Variants in PEBP4 observed in about 807,000 individuals in gnomAD.
The protein encoded by PEBP4 is phosphatidylethanolamine-binding protein 4.
PEBP4 carries 22 observed loss-of-function variants against 23.9 expected under a neutral mutation model. That is an observed-to-expected ratio of 0.92 (90% CI 0.66 to 1.31). The LOEUF is 1.31. PEBP4 is among the 40% of genes most tolerant of loss of function. PEBP4 has a pLI of 0.00. For missense variants in PEBP4, 324 were observed against 281.7 expected (o/e 1.15, Z -1.07); for synonymous variants, 112 against 99.3 (o/e 1.13, Z -0.76).
intron 4 of PEBP4, among the ~76,000 whole-genome samples, chr8:22,766,370 G>T (rs1388241730): frequency 1.3e-5 from 2 of 152,252 alleles, no homozygotes; most frequent in Non-Finnish European, 2.9e-5. Flanking sequence ...ACCTCACGGA[G>T]CTGGCAGCCC....
chr8:22,714,946 GT>G (rs1231800593), intron 6 of PEBP4, among the ~76,000 whole-genome samples: 2 of 152,226 alleles, frequency 1.3e-5, no homozygotes, highest in Non-Finnish European at 2.9e-5. Flanking sequence ...CTATGTGTTG[GT>G]ACTACTGTAA....
At chr8:22,719,023 G>C (rs1278866606) in intron 6 of PEBP4, among the ~76,000 whole-genome samples, 1 of 152,084 alleles carries the variant, frequency 6.6e-6, no homozygotes, top group Non-Finnish European at 1.5e-5. Context: ...GCCTTCAGAT[G>C]CCACAAGCAA....
chr8:22,750,334 T>C (rs1459524376), intron 4 of PEBP4, among the ~76,000 whole-genome samples: 1 of 147,104 alleles, frequency 6.8e-6, no homozygotes, highest in Non-Finnish European at 1.5e-5. Context: ...ACCCCTGACC[T>C]TGTGATCCAC....
chr8:22,822,602 A>G (rs1323258474), intron 3 of PEBP4, among the ~76,000 whole-genome samples: 1 of 152,130 alleles, frequency 6.6e-6, no homozygotes, highest in Non-Finnish European at 1.5e-5. Flanking sequence ...ATCAACTGGA[A>G]ACAAAAGTAA....
intron 3 of PEBP4, among the ~76,000 whole-genome samples, chr8:22,866,019 C>T (rs144071987): frequency 0.017 from 2,632 of 152,324 alleles, 77 homozygotes; most frequent in African/African-American, 0.06. Context: ...CTCCCAAACC[C>T]AGGGCGTCAT....
chr8:22,810,711 TGTGAGA>T lies in PEBP4; in HGVS notation c.357+6920_357+6925del, dbSNP rs1353277443. On this transcript the variant is annotated intron_variant, in intron 4 of 6. Transcript: ENST00000256404. ...GTGTGTGTGTGTGTGTGTGTGTGTGTGTGAGAGAGAGAGAGAGAAAGAGAAAGAAAG... is the reference window on the plus strand; with the variant it reads ...GTGTGTGTGTGTGTGTGTGTGTGTGTGAGAGAGAGAGAAAGAGAAAGAAAG... Among the ~76,000 whole-genome samples the T allele has an allele frequency of 6.0e-4, 81 of 134,220 alleles. 1 individual carries two copies. Among genetic ancestry groups the T allele is most frequent in the African/African-American group, 2.3e-3 (78 of 33,314 alleles). 88.1% of individuals were successfully genotyped at this position (134,220 alleles called of 152,430 possible). A position where few individuals can be genotyped will look rare whatever the true frequency, so the allele number is the denominator to read the frequency against.
At chr8:22,788,409 T>G (rs1198292285) in intron 4 of PEBP4, among the ~76,000 whole-genome samples, 5 of 152,084 alleles carry the variant, frequency 3.3e-5, no homozygotes, top group African/African-American at 7.2e-5. Flanking sequence ...TGAGGGCCCA[T>G]GAGAGGTGAC....
chr8:22,780,182 T>G (rs1805887232), intron 4 of PEBP4, among the ~76,000 whole-genome samples: 1 of 152,158 alleles, frequency 6.6e-6, no homozygotes. Context: ...CAGGCTGGTC[T>G]CAAACTCCTA....
intron 3 of PEBP4, among the ~76,000 whole-genome samples, chr8:22,863,919 C>T (rs1807830686): frequency 6.6e-6 from 1 of 152,320 alleles, no homozygotes; most frequent in African/African-American, 2.4e-5. Context: ...CTCCAAGACA[C>T]TTCTCCATGA....
intron 3 of PEBP4, among the ~76,000 whole-genome samples, chr8:22,914,245 G>T (rs1014614204): frequency 6.6e-6 from 1 of 152,072 alleles, no homozygotes; most frequent in Non-Finnish European, 1.5e-5. Flanking sequence ...GCCTCCCAAA[G>T]TGCTGGGATT....
At chr8:22,786,603 T>A (rs937881782) in intron 4 of PEBP4, among the ~76,000 whole-genome samples, 9 of 152,038 alleles carry the variant, frequency 5.9e-5, no homozygotes, top group African/African-American at 1.9e-4. Context: ...TTTGAAACCC[T>A]GTCTATTAGT....
chr8:22,891,060 C>A (rs1384038604), intron 3 of PEBP4, among the ~76,000 whole-genome samples: 1 of 152,208 alleles, frequency 6.6e-6, no homozygotes, highest in East Asian at 1.9e-4. Context: ...GAACCCCTGA[C>A]CTCATGATCT....
intron 3 of PEBP4, among the ~76,000 whole-genome samples, chr8:22,889,580 C>T (rs528733269): frequency 7.9e-5 from 12 of 152,290 alleles, no homozygotes; most frequent in African/African-American, 2.4e-4. Context: ...AAGGTAATGC[C>T]GTAAATTACA....
intron 3 of PEBP4, among the ~76,000 whole-genome samples, chr8:22,856,691 G>A (rs189082032): frequency 6.6e-6 from 1 of 151,946 alleles, no homozygotes; most frequent in African/African-American, 2.4e-5. Flanking sequence ...ACTCTAGCCT[G>A]GGCAATAGAG....
At chr8:22,915,607 G>T (rs1226922528) in intron 3 of PEBP4, among the ~76,000 whole-genome samples, 1 of 152,176 alleles carries the variant, frequency 6.6e-6, no homozygotes, top group Non-Finnish European at 1.5e-5. Flanking sequence ...TAATATTTAC[G>T]AAGTGAGTCA....
At chr8:22,863,989 T>G (rs1478305196) in intron 3 of PEBP4, among the ~76,000 whole-genome samples, 1 of 152,124 alleles carries the variant, frequency 6.6e-6, no homozygotes, top group Admixed American at 6.5e-5. Context: ...TCCTAACCCA[T>G]CAAGCCTACC....
At chr8:22,769,117 C>T (rs1256723716) in intron 4 of PEBP4, among the ~76,000 whole-genome samples, 2 of 152,228 alleles carry the variant, frequency 1.3e-5, no homozygotes, top group Non-Finnish European at 2.9e-5. Context: ...TCTACCCTCA[C>T]GTTGCCACCA....
intron 4 of PEBP4, among the ~76,000 whole-genome samples, chr8:22,770,593 GT>G (rs1805698677): frequency 1.3e-5 from 2 of 152,204 alleles, no homozygotes; most frequent in African/African-American, 4.8e-5. Flanking sequence ...CTTCCTCCAG[GT>G]TATTCATTGT....
chr8:22,914,013 A>G (rs1450274248), intron 3 of PEBP4, among the ~76,000 whole-genome samples: 1 of 131,998 alleles, frequency 7.6e-6, no homozygotes, highest in African/African-American at 2.9e-5. Flanking sequence ...TTTGAGACAG[A>G]GTCTTGCTCT....
Sources: allele counts gnomAD v4.1 joint callset (sites outside exome capture counted in the v4.1 genomes callset), GRCh38; gene constraint gnomAD v4.1.1; transcripts MANE v1.5; gene names NCBI Gene and HGNC (gene_info 2026-07-23, HGNC 2026-07-21).